Variants in PPP2R2D observed in about 807,000 individuals in gnomAD.
The protein encoded by PPP2R2D is serine/threonine-protein phosphatase 2A 55 kDa regulatory subunit B delta isoform.
PPP2R2D carries 9 observed loss-of-function variants against 31.1 expected under a neutral mutation model. The observed-to-expected ratio is 0.29, with a 90% confidence interval of 0.17 to 0.51. The LOEUF (loss-of-function observed/expected upper bound fraction) is 0.51, where lower values mean the gene tolerates loss of function less well. Ranked by LOEUF, PPP2R2D falls within the 20% of genes least tolerant of loss-of-function variation. PPP2R2D has a pLI of 0.98. For missense variants in PPP2R2D, 391 were observed against 465.6 expected (o/e 0.84, Z 1.48); for synonymous variants, 179 against 172.6 (o/e 1.04, Z -0.29).
intron 8 of PPP2R2D, among the ~76,000 whole-genome samples, chr10:131,951,240 T>G (rs1338396418): frequency 6.6e-6 from 1 of 152,226 alleles, no homozygotes; most frequent in African/African-American, 2.4e-5. Context: ...TTGGTGACAT[T>G]CAGTCGGGTT....
chr10:131,949,729 C>T (rs907651427), intron 8 of PPP2R2D, among the ~76,000 whole-genome samples: 1 of 151,892 alleles, frequency 6.6e-6, no homozygotes, highest in Non-Finnish European at 1.5e-5. Context: ...CTAGAAATGA[C>T]AAGTATGATA....
the PPP2R2D span, chr10:131,968,700 A>T: frequency 1.5e-6 from 1 of 655,252 alleles, no homozygotes; most frequent in South Asian, 2.0e-5. Context: ...CCATTATAAA[A>T]ATTTTGTAAT....
intron 5 of PPP2R2D, 125 bp from the exon 6 acceptor site, chr10:131,943,843 T>G: frequency 1.6e-6 from 1 of 631,104 alleles, no homozygotes; most frequent in Non-Finnish European, 2.8e-6. Flanking sequence ...TTGGGGGTAT[T>G]GCCTGTACAG....
At chr10:131,970,711 T>C in the PPP2R2D span, 3 of 1,614,212 alleles carry the variant, frequency 1.9e-6, no homozygotes, top group Non-Finnish European at 2.5e-6. This position sits in a 1 kb window ranked among gnomAD's most constrained non-coding sequence, Gnocchi z 4.1. Context: ...GCAGAGAATA[T>C]GCCCCCTTTC....
the PPP2R2D span, chr10:131,968,010 T>C: frequency 6.5e-6 from 1 of 153,226 alleles, no homozygotes; most frequent in South Asian, 2.0e-4. Context: ...TTAGCATAGT[T>C]ATATATAATC....
At chr10:131,964,281 CGTCGACGAATCAGCAGTT>C (rs782260334), downstream of PPP2R2D, among the ~76,000 whole-genome samples, 7 of 151,976 alleles carry the variant, frequency 4.6e-5, no homozygotes, top group Non-Finnish European at 8.8e-5. Flanking sequence ...CTTTAGTTTC[CGTCGACGAATCAGCAGTT>C]ATTGGTATTT....
At chr10:131,960,415 G>A (rs4880250), downstream of PPP2R2D, among the ~76,000 whole-genome samples, 42,998 of 152,054 alleles carry the variant, frequency 0.28, 6,193 homozygotes, top group East Asian at 0.45. Context: ...TGGATTTAAC[G>A]TGCCTTTTTT....
rs186790170 is a variant in PPP2R2D at position 131,914,833 on chromosome 10, G to C, written c.100+13503G>C. On this transcript the variant is annotated intron_variant, in intron 2 of 8. Transcript: ENST00000455566. ...CACGCCTCACTGAACAGAGACTTTGGCTTTTATTCTGCACATTTCTGTATT... is the reference window on the plus strand; with the variant it reads ...CACGCCTCACTGAACAGAGACTTTGCCTTTTATTCTGCACATTTCTGTATT... 9.1e-4 allele frequency among the ~76,000 whole-genome samples: 138 copies of C among 152,234 alleles called. 2 individuals carry two copies. In the South Asian group the frequency reaches 0.014, roughly 15 times the overall value.
At chr10:131,963,117 A>G (rs566822656), downstream of PPP2R2D, among the ~76,000 whole-genome samples, 4 of 152,268 alleles carry the variant, frequency 2.6e-5, no homozygotes, top group East Asian at 7.7e-4. Context: ...GTGAGCCGAG[A>G]TTGTGTCGCT....
At position 131,918,658 on chromosome 10, in the gene PPP2R2D, C is replaced by T. The variant is rs541666661; in HGVS notation, c.101-15800C>T. On this transcript the variant is annotated intron_variant, in intron 2 of 8. Coordinates refer to ENST00000455566, the MANE Select transcript of PPP2R2D (RefSeq NM_018461.5). ...AATGACACAGTGTTTGTAGGGACCT[C>T]AGGCGGGTAGGATGACACAGTGTAG... Among the ~76,000 whole-genome samples the T allele has an allele frequency of 1.4e-3, 208 of 146,634 alleles. 2 individuals are homozygous for T. The highest frequency in any genetic ancestry group is 5.1e-3 in the African/African-American group (199 of 39,160).
chr10:131,948,145 C>T (rs1440659186), intron 8 of PPP2R2D, among the ~76,000 whole-genome samples: 6 of 152,172 alleles, frequency 3.9e-5, no homozygotes, highest in African/African-American at 9.7e-5. Flanking sequence ...GGAATGACCG[C>T]GTTGCAGTCT....
intron 8 of PPP2R2D, among the ~76,000 whole-genome samples, chr10:131,951,435 C>T (rs2119971097): frequency 6.6e-6 from 1 of 152,322 alleles, no homozygotes; most frequent in Middle Eastern, 3.4e-3. Flanking sequence ...GTGGATCTCA[C>T]AAAGATAATC....
the PPP2R2D span, chr10:131,970,626 C>T: frequency 1.2e-6 from 2 of 1,612,994 alleles, no homozygotes; most frequent in East Asian, 2.2e-5. This position sits in a 1 kb window ranked among gnomAD's most constrained non-coding sequence, Gnocchi z 4.1. Context: ...GTCACACAGT[C>T]ACATCACCTA....
chr10:131,901,047 C>CGGCGGCGGCGGCGG lies in PPP2R2D; in HGVS notation c.-102_-101insGGCGGCGGCGGCGG, dbSNP rs2035482348. On this transcript the variant is annotated 5_prime_UTR_variant, in exon 1 of 9. Coordinates refer to ENST00000455566, the MANE Select transcript of PPP2R2D (RefSeq NM_018461.5). ...GGCGGCGGCGGCGGCGGCGGCGGCG[C>CGGCGGCGGCGGCGG]CGGCGGTGGTGGCGGCCCCGGGGCT... The CGGCGGCGGCGGCGG allele has an allele frequency of 1.4e-5, 2 of 147,626 alleles. No homozygotes were observed. Among genetic ancestry groups the CGGCGGCGGCGGCGG allele is most frequent in the East Asian group, 2.9e-4 (1 of 3,484 alleles). 9.1% of individuals were successfully genotyped at this position (147,626 alleles called of 1,614,324 possible).
At chr10:131,968,539 G>A in the PPP2R2D span, 35 of 1,601,578 alleles carry the variant, frequency 2.2e-5, no homozygotes, top group East Asian at 7.8e-4. Context: ...AGGTGCTGGT[G>A]GAGGTTGTCA....
At chr10:131,902,499 G>C (rs1248949481) in intron 2 of PPP2R2D, among the ~76,000 whole-genome samples, 2 of 152,142 alleles carry the variant, frequency 1.3e-5, no homozygotes, top group Non-Finnish European at 2.9e-5. Flanking sequence ...TTATTAAGCA[G>C]GTGAAACTGG....
intron 2 of PPP2R2D, among the ~76,000 whole-genome samples, chr10:131,909,133 T>C (rs2035643632): frequency 6.6e-6 from 1 of 151,970 alleles, no homozygotes; most frequent in South Asian, 2.1e-4. Context: ...ATGTTCCAGG[T>C]GGAGAGTGCT....
At chr10:131,912,566 C>T (rs2035701854) in intron 2 of PPP2R2D, 1 of 152,272 alleles carries the variant, frequency 6.6e-6, no homozygotes, top group South Asian at 2.1e-4. Context: ...CATACTCGAG[C>T]TCATTTGACC....
At chr10:131,909,446 A>C (rs2035648246) in intron 2 of PPP2R2D, among the ~76,000 whole-genome samples, 1 of 152,102 alleles carries the variant, frequency 6.6e-6, no homozygotes, top group South Asian at 2.1e-4. Flanking sequence ...AAATGGGCTT[A>C]CTCTAGTTTC....
Sources: allele counts gnomAD v4.1 joint callset (sites outside exome capture counted in the v4.1 genomes callset), GRCh38; gene constraint gnomAD v4.1.1; non-coding constraint Gnocchi (gnomAD v3.1); transcripts MANE v1.5; gene names NCBI Gene and HGNC (gene_info 2026-07-23, HGNC 2026-07-21).